Variants in FREM3 observed in about 807,000 individuals in gnomAD.
FREM3 encodes the protein FRAS1-related extracellular matrix protein 3.
FREM3 carries 105 observed loss-of-function variants against 129.1 expected under a neutral mutation model. The ratio of observed to expected loss-of-function variants is 0.81; its 90% CI spans 0.69 to 0.96. The LOEUF (loss-of-function observed/expected upper bound fraction) is 0.96. Ranked by LOEUF, FREM3 falls within the 40% of genes least tolerant of loss-of-function variation. The pLI is 0.00. For missense variants in FREM3, 2,593 were observed against 2,666.3 expected, an observed-to-expected ratio of 0.97 and a Z score of 0.61; for synonymous variants, 1,014 against 1,044.9, an observed-to-expected ratio of 0.97 and a Z score of 0.57.
chr4:143,682,465 G>A (rs1279260823), intron 2 of FREM3, among the ~76,000 whole-genome samples: 3 of 152,206 alleles, frequency 2.0e-5, no homozygotes, highest in African/African-American at 7.2e-5. Context: ...GCATGAAGTG[G>A]CCAATGAGAA....
chr4:143,617,657 C>T (rs894908251), intron 5 of FREM3, among the ~76,000 whole-genome samples: 3 of 152,116 alleles, frequency 2.0e-5, no homozygotes, highest in African/African-American at 7.2e-5. Context: ...ATAATGTTAG[C>T]AACTCTTGGG....
chr4:143,692,672 C>A (rs1304470203), intron 2 of FREM3, among the ~76,000 whole-genome samples: 1 of 152,074 alleles, frequency 6.6e-6, no homozygotes, highest in South Asian at 2.1e-4. Flanking sequence ...TCTACCCCAT[C>A]CAGAAAGATT....
chr4:143,611,695 A>G (rs897735884), intron 5 of FREM3, among the ~76,000 whole-genome samples, 168 bp from the exon 6 acceptor site: 2 of 152,240 alleles, frequency 1.3e-5, no homozygotes, highest in African/African-American at 4.8e-5. Flanking sequence ...GGCTTTTGGA[A>G]TAGACTCTGG....
At chr4:143,602,502 A>G (rs1265721130) in intron 6 of FREM3, among the ~76,000 whole-genome samples, 1 of 152,150 alleles carries the variant, frequency 6.6e-6, no homozygotes, top group Non-Finnish European at 1.5e-5. Flanking sequence ...AAAGTCATAC[A>G]CTACAGCTGC....
intron 5 of FREM3, among the ~76,000 whole-genome samples, chr4:143,619,742 A>G (rs1439764933): frequency 1.3e-5 from 2 of 152,168 alleles, no homozygotes; most frequent in Non-Finnish European, 2.9e-5. Context: ...GGAGGCAACT[A>G]GTTTTATGCT....
intron 2 of FREM3, among the ~76,000 whole-genome samples, chr4:143,678,421 T>A (rs1014220830): frequency 4.6e-5 from 7 of 151,950 alleles, no homozygotes; most frequent in Non-Finnish European, 7.4e-5. Context: ...GGGATAACAT[T>A]AGGAGATATA....
rs563505556 is a variant in FREM3 at position 143,593,736 on chromosome 4, G to A, written c.6029-7743C>T. On this transcript the variant is annotated intron_variant, in intron 6 of 7. Transcript: ENST00000329798. ...GTTCTCAGATCTCAAGCTGCATGCT[G>A]GGAGAACCACTACTCTCTTCAAAGC... Among the ~76,000 whole-genome samples, 48 of 152,308 alleles carry A rather than the reference G, an allele frequency of 3.2e-4. No homozygotes were observed. The South Asian group carries it at 9.5e-3, about 30-fold the overall frequency.
intron 5 of FREM3, among the ~76,000 whole-genome samples, chr4:143,617,514 A>G (rs1738873571): frequency 1.3e-5 from 2 of 152,224 alleles, no homozygotes; most frequent in South Asian, 4.1e-4. Flanking sequence ...AACCAACTAC[A>G]AGGACAAACC....
In FREM3 at chr4:143,693,118, T is replaced by C; in HGVS notation, c.5270A>G (p.Asp1757Gly). 6 of 1,481,424 alleles carry C rather than the reference T, an allele frequency of 4.1e-6. No homozygotes were observed. The highest frequency in any genetic ancestry group is 5.4e-6 in the Non-Finnish European group (6 of 1,105,596). 91.8% of individuals were successfully genotyped at this position (1,481,424 alleles called of 1,614,324 possible). A position where few individuals can be genotyped will look rare whatever the true frequency, so the allele number is the denominator to read the frequency against. ...SKDIFYFSVEDNGGNKLTNQP... is the reference protein window; with the variant it reads ...SKDIFYFSVEGNGGNKLTNQP... ...AAGGGTTTATTATGACTTACCATTGTCTTCAACAGAGAAATAGAAGATGTC... is the reference window on the plus strand; with the variant it reads ...AAGGGTTTATTATGACTTACCATTGCCTTCAACAGAGAAATAGAAGATGTC... The change falls in exon 2 of 8, where the codon GAC becomes GGC. Residue 1757 changes from aspartate (D) to glycine (G), a missense_variant. Physicochemically the swap from Asp to Gly is moderately conservative, Grantham distance 94 (BLOSUM62 -1). Around this residue, in one of 2 missense-constraint regions of FREM3, gnomAD observed 2,276 missense variants for 2,267.2 expected, o/e 1.00. Coordinates refer to ENST00000329798, the MANE Select transcript of FREM3 (RefSeq NM_001168235.2).
chr4:143,687,917 G>A (rs1740397788), intron 2 of FREM3, among the ~76,000 whole-genome samples: 1 of 152,118 alleles, frequency 6.6e-6, no homozygotes, highest in South Asian at 2.1e-4. Flanking sequence ...TACTGAATGG[G>A]CAGAAGTTTG....
intron 2 of FREM3, among the ~76,000 whole-genome samples, chr4:143,659,446 G>A (rs988721988): frequency 6.6e-6 from 1 of 152,144 alleles, no homozygotes; most frequent in African/African-American, 2.4e-5. Context: ...ATTCCATGGT[G>A]TATATGTGCC....
chr4:143,665,505 T>C (rs1739843392), intron 2 of FREM3, among the ~76,000 whole-genome samples: 1 of 152,154 alleles, frequency 6.6e-6, no homozygotes, highest in Admixed American at 6.6e-5. Flanking sequence ...GTCAGAATAC[T>C]GTTAGGCCAT....
chr4:143,696,007 G>A lies in FREM3; in HGVS notation c.4669C>T (p.Leu1557Phe). Residue 1557 changes from leucine to phenylalanine, a missense_variant, in exon 1 of 8, where the codon CTC becomes TTC. Leu to Phe is a conservative substitution (Grantham distance 22). Around this residue, in one of 2 missense-constraint regions of FREM3, gnomAD observed 2,276 missense variants for 2,267.2 expected, o/e 1.00. Transcript: ENST00000329798. The stretch of plus-strand genomic sequence containing the variant: ...CTGTCTTCCACTGTCAACTCAAGGA[G>A]AGTGATCAGTTGGCTATCCTCTTTC... ...LQKEDSQLITLLELTVEDSDT... is the reference protein window; with the variant it reads ...LQKEDSQLITFLELTVEDSDT... 6.5e-7 allele frequency: 1 copy of A among 1,537,864 alleles called. No homozygotes were observed. Among genetic ancestry groups the A allele is most frequent in the Non-Finnish European group, 8.7e-7 (1 of 1,147,052 alleles).
chr4:143,693,590 A>G (rs187295661), intron 1 of FREM3, among the ~76,000 whole-genome samples: 17 of 152,332 alleles, frequency 1.1e-4, no homozygotes, highest in African/African-American at 4.1e-4. Flanking sequence ...CAGCAGTCCC[A>G]TTACTGGGTA....
chr4:143,581,675 A>G (rs189654487), intron 7 of FREM3, among the ~76,000 whole-genome samples: 2 of 152,068 alleles, frequency 1.3e-5, no homozygotes, highest in African/African-American at 4.8e-5. Context: ...GCCAGTTGCC[A>G]TATGGACAGG....
intron 2 of FREM3, among the ~76,000 whole-genome samples, chr4:143,659,133 C>T (rs1007837268): frequency 4.0e-5 from 6 of 148,152 alleles, no homozygotes; most frequent in African/African-American, 1.3e-4. Context: ...TTTTAAGGTA[C>T]ATGTGCACAA....
intron 6 of FREM3, among the ~76,000 whole-genome samples, chr4:143,601,373 G>A (rs547002124): frequency 6.6e-6 from 1 of 152,242 alleles, no homozygotes; most frequent in South Asian, 2.1e-4. Context: ...AATATTTATA[G>A]GGAAATTTTA....
intron 5 of FREM3, among the ~76,000 whole-genome samples, chr4:143,613,687 A>G (rs988271387): frequency 1.3e-5 from 2 of 152,214 alleles, no homozygotes; most frequent in African/African-American, 4.8e-5. Flanking sequence ...TTTAAACAGA[A>G]CTATACCTTT....
At chr4:143,678,403 A>T (rs1578865910) in intron 2 of FREM3, among the ~76,000 whole-genome samples, 1 of 151,784 alleles carries the variant, frequency 6.6e-6, no homozygotes, top group African/African-American at 2.4e-5. Flanking sequence ...GGTTGGGGGG[A>T]TGGGGGAGGG....
Sources: allele counts gnomAD v4.1 joint callset (sites outside exome capture counted in the v4.1 genomes callset), GRCh38; gene constraint gnomAD v4.1.1; regional missense constraint gnomAD v4.1.1; transcripts MANE v1.5; gene names NCBI Gene and HGNC (gene_info 2026-07-23, HGNC 2026-07-21).